Variants in EYA3 observed in about 807,000 individuals in gnomAD.
EYA3 encodes EYA transcriptional coactivator and phosphatase 3, also known as protein phosphatase EYA3.
A neutral mutation model predicts 80.0 loss-of-function variants in EYA3; 39 were observed. That is an observed-to-expected ratio of 0.49 (90% CI 0.38 to 0.64). EYA3 has a LOEUF of 0.64. EYA3 is among the 30% of genes least tolerant of loss of function. The pLI is 0.00. For synonymous variants in EYA3, 206 were observed against 232.8 expected, an observed-to-expected ratio of 0.88 and a Z score of 1.05; for missense variants, 523 against 676.1, an observed-to-expected ratio of 0.77 and a Z score of 2.51.
At chr1:28,028,693 A>G (rs567084139) in intron 6 of EYA3, among the ~76,000 whole-genome samples, 16 of 151,402 alleles carry the variant, frequency 1.1e-4, no homozygotes, top group African/African-American at 3.6e-4. Context: ...CTGGGATTAT[A>G]GGCATGAGCC....
intron 14 of EYA3, 121 bp from the exon 15 acceptor site, chr1:27,989,932 T>TTATA (rs370226947): frequency 2.7e-5 from 13 of 473,622 alleles, no homozygotes; most frequent in South Asian, 5.1e-5. Flanking sequence ...CTGAGTATGT[T>TTATA]TATATATATA....
In EYA3 at chr1:28,013,751, TA is replaced by T. The variant is rs374039200; in HGVS notation, c.586-458del. ...AACAAAAAAAGCACATATCCTACAT[TA>T]AAATGTCTTAATTTAAAAACTGATT... On this transcript the variant is annotated intron_variant, in intron 8 of 17. Coordinates refer to ENST00000373871, the MANE Select transcript of EYA3 (RefSeq NM_001990.4). This position sits in a 1 kb window ranked among gnomAD's most constrained non-coding sequence, Gnocchi z 4.0. Among the ~76,000 whole-genome samples, 153 of 152,322 alleles carry T rather than the reference TA, an allele frequency of 1.0e-3. No individual in the cohort carries two copies. The highest frequency in any genetic ancestry group is 3.5e-3 in the African/African-American group (146 of 41,580).
intron 4 of EYA3, among the ~76,000 whole-genome samples, chr1:28,042,046 G>A (rs1332990715): frequency 6.6e-6 from 1 of 152,154 alleles, no homozygotes; most frequent in Non-Finnish European, 1.5e-5. Context: ...CAAAAATGCA[G>A]ATTCCCTATC....
chr1:28,027,982 G>A, intron 6 of EYA3, 56 bp from the exon 7 acceptor site: 3 of 1,579,756 alleles, frequency 1.9e-6, no homozygotes, highest in South Asian at 2.3e-5. Flanking sequence ...GAGGAGCATG[G>A]TTATGCTTTC....
At position 28,050,484 on chromosome 1, in the gene EYA3, G is replaced by A. The variant is rs1216424671; in HGVS notation, c.34-2058C>T. Reference sequence around the variant, plus strand: ...CCCAAAGTGCTGGGATTACAGGCGTGAGCCACTGCGCCTGGCCAAAAATTT... The same window carrying A: ...CCCAAAGTGCTGGGATTACAGGCGTAAGCCACTGCGCCTGGCCAAAAATTT... On this transcript the variant is annotated intron_variant, in intron 2 of 17. Transcript: ENST00000373871. Among the ~76,000 whole-genome samples, 7 of 152,182 alleles carry A rather than the reference G, an allele frequency of 4.6e-5. No homozygotes were observed. The East Asian group carries it at 1.2e-3, about 25-fold the overall frequency.
Position 28,008,388 on chromosome 1 carries a change from G to GAAAAC in EYA3, c.909+2554_909+2558dup, listed in dbSNP as rs1013726913. Among the ~76,000 whole-genome samples, 6 of 151,310 alleles carry GAAAAC rather than the reference G, an allele frequency of 4.0e-5. No homozygotes were observed. The East Asian group carries it at 5.8e-4, about 15-fold the overall frequency. On this transcript the variant is annotated intron_variant, in intron 10 of 17. Coordinates refer to ENST00000373871, the MANE Select transcript of EYA3 (RefSeq NM_001990.4). ...AACCGTGTATTAAGTATTACACCAA[G>GAAAAC]AAAACAAAACAAAACAAAAAGAAAC...
chr1:28,040,854 C>CGGGGGGGGGGGGGG (rs1643734518), intron 4 of EYA3, among the ~76,000 whole-genome samples: 2 of 119,932 alleles, frequency 1.7e-5, no homozygotes, highest in Non-Finnish European at 3.4e-5. Context: ...GGCGGAGGGG[C>CGGGGGGGGGGGGGG]AGGGGGGGGT....
intron 6 of EYA3, among the ~76,000 whole-genome samples, chr1:28,030,322 T>C (rs1440861344): frequency 6.6e-6 from 1 of 152,198 alleles, no homozygotes; most frequent in Non-Finnish European, 1.5e-5. Context: ...AGACAAGGTC[T>C]TGCTCTGTTG....
In EYA3 at chr1:28,063,974, T is replaced by G. The variant is rs184393969; in HGVS notation, c.-68-5880A>C. 3.2e-3 allele frequency among the ~76,000 whole-genome samples: 482 copies of G among 152,148 alleles called. 1 individual carries two copies. The highest frequency in any genetic ancestry group is 0.011 in the African/African-American group (463 of 41,542). On this transcript the variant is annotated intron_variant, in intron 1 of 17. Transcript: ENST00000373871. Reference sequence around the variant, plus strand: ...TTTCACCCACACATTTTAGACAATTTTTTTTTTTTGGCCAAGATTTTAGCA... The same window carrying G: ...TTTCACCCACACATTTTAGACAATTGTTTTTTTTTGGCCAAGATTTTAGCA...
chr1:27,989,923 T>C (rs1212853598), intron 14 of EYA3, 112 bp from the exon 15 acceptor site: 1 of 537,512 alleles, frequency 1.9e-6, no homozygotes, highest in Non-Finnish European at 3.3e-6. Context: ...AATATTCTAC[T>C]GAGTATGTTT....
intron 8 of EYA3, among the ~76,000 whole-genome samples, chr1:28,016,003 G>C (rs986786811): frequency 7.9e-5 from 12 of 152,186 alleles, no homozygotes; most frequent in Admixed American, 7.2e-4. Context: ...ATGTCAATCA[G>C]TTGGAAGCTG....
intron 14 of EYA3, among the ~76,000 whole-genome samples, chr1:27,992,306 C>T (rs937233682): frequency 6.6e-6 from 1 of 152,164 alleles, no homozygotes; most frequent in South Asian, 2.1e-4. Flanking sequence ...AATTGTTCCA[C>T]CTCAGATCAT....
intron 6 of EYA3, among the ~76,000 whole-genome samples, chr1:28,029,385 A>G (rs903375723): frequency 1.3e-5 from 2 of 152,144 alleles, no homozygotes; most frequent in Non-Finnish European, 2.9e-5. Context: ...TTTAGGTTCT[A>G]ATTTCACTGT....
Position 28,061,663 on chromosome 1 carries a change from G to A in EYA3, c.-68-3569C>T, listed in dbSNP as rs546240489. On this transcript the variant is annotated intron_variant, in intron 1 of 17. Transcript: ENST00000373871. ...CGCCCAGGCTGGAGTGCAGTGGCGC[G>A]ATCTCAGCTCACTGCAAGCTCCGCC... Among the ~76,000 whole-genome samples the A allele has an allele frequency of 4.6e-5, 7 of 151,704 alleles. No homozygotes were observed. In the South Asian group the frequency reaches 8.3e-4, roughly 18 times the overall value.
In EYA3 at chr1:28,027,926, C is replaced by A; in HGVS notation, c.362G>T (p.Gly121Val). The A allele has an allele frequency of 6.2e-7, 1 of 1,614,052 alleles. No individual in the cohort carries two copies. The highest frequency in any genetic ancestry group is 8.5e-7 in the Non-Finnish European group (1 of 1,179,976). Residue 121 changes from glycine (G) to valine (V), a missense_variant and splice_region_variant, in exon 7 of 18, where the codon GGT (glycine) becomes GTT (valine). By Grantham distance (109) the Gly-to-Val change is moderately radical. Around this residue, in one of 2 missense-constraint regions of EYA3, gnomAD observed 304 missense variants for 343.3 expected, o/e 0.89. Coordinates refer to ENST00000373871, the MANE Select transcript of EYA3 (RefSeq NM_001990.4). ...ATQTYGLPPF[G>V]ALWPGMKPES... Reference sequence around the variant, plus strand: ...AGGTTTCATACCTGGCCACAATGCACCTGAATCAGATAAATTGGACCAATT... The same window carrying A: ...AGGTTTCATACCTGGCCACAATGCAACTGAATCAGATAAATTGGACCAATT...
At chr1:27,993,212 C>T (rs570344238) in intron 14 of EYA3, among the ~76,000 whole-genome samples, 188 bp downstream of exon 14, 8 of 152,208 alleles carry the variant, frequency 5.3e-5, no homozygotes, top group East Asian at 1.9e-4. Context: ...TAGAGAAGCC[C>T]GTTAGAAATA....
intron 17 of EYA3, chr1:27,977,347 C>A (rs1232133587): frequency 6.4e-7 from 1 of 1,550,510 alleles, no homozygotes; most frequent in South Asian, 1.2e-5. Context: ...GCAGTTGGTT[C>A]TAGCTGGCAA....
At chr1:27,991,105 T>C (rs1640029357) in intron 14 of EYA3, among the ~76,000 whole-genome samples, 1 of 152,162 alleles carries the variant, frequency 6.6e-6, no homozygotes, top group Non-Finnish European at 1.5e-5. Flanking sequence ...CACTTTGAAT[T>C]GCACTGCTTA....
intron 1 of EYA3, among the ~76,000 whole-genome samples, chr1:28,073,120 TA>T (rs1645079154): frequency 9.3e-5 from 5 of 54,022 alleles, no homozygotes; most frequent in South Asian, 6.0e-4. Flanking sequence ...TATATATATA[TA>T]TATATATTTT....
Sources: allele counts gnomAD v4.1 joint callset (sites outside exome capture counted in the v4.1 genomes callset), GRCh38; gene constraint gnomAD v4.1.1; regional missense constraint gnomAD v4.1.1; non-coding constraint Gnocchi (gnomAD v3.1); transcripts MANE v1.5; gene names NCBI Gene and HGNC (gene_info 2026-07-23, HGNC 2026-07-21).